The following TRAT1 variants were observed in gnomAD, a reference collection of about 807,000 sequenced individuals.
The protein encoded by TRAT1 is T-cell receptor-associated transmembrane adapter 1.
A neutral mutation model predicts 20.0 loss-of-function variants in TRAT1; 20 were observed. That is an observed-to-expected ratio of 1.00 (90% confidence interval 0.70 to 1.45). The LOEUF (loss-of-function observed/expected upper bound fraction) is 1.45, where lower values mean the gene tolerates loss of function less well. TRAT1 is among the 40% of genes most tolerant of loss of function. The pLI is 0.00. For missense variants in TRAT1, 237 were observed against 224.1 expected (o/e 1.06, Z -0.37); for synonymous variants, 77 against 74.2 (o/e 1.04, Z -0.20).
chr3:108,839,688 C>A (rs572421112), intron 3 of TRAT1, among the ~76,000 whole-genome samples: 4 of 150,808 alleles, frequency 2.7e-5, no homozygotes, highest in African/African-American at 9.7e-5. Context: ...TAGATATACA[C>A]AAGGATGAGT....
intron 3 of TRAT1, chr3:108,839,324 C>A (rs1945870402): frequency 9.0e-6 from 2 of 221,138 alleles, no homozygotes; most frequent in Admixed American, 5.9e-5. Context: ...ATCTGGCAAC[C>A]TAATACAATT....
intron 2 of TRAT1, among the ~76,000 whole-genome samples, chr3:108,832,112 G>T (rs1290934663): frequency 6.6e-6 from 1 of 152,188 alleles, no homozygotes; most frequent in Non-Finnish European, 1.5e-5. Flanking sequence ...TTATTGTCAT[G>T]CAGGTTTGAA....
At chr3:108,851,306 T>G (rs1945995974) in intron 5 of TRAT1, among the ~76,000 whole-genome samples, 1 of 152,230 alleles carries the variant, frequency 6.6e-6, no homozygotes, top group African/African-American at 2.4e-5. Flanking sequence ...TATCTCAGTC[T>G]TCTATTAACT....
chr3:108,845,328 A>AT (rs1945933287), intron 3 of TRAT1, among the ~76,000 whole-genome samples: 1 of 152,290 alleles, frequency 6.6e-6, no homozygotes. Flanking sequence ...AACAATACTC[A>AT]TTTTTTGGAC....
intron 1 of TRAT1, among the ~76,000 whole-genome samples, chr3:108,824,713 A>G (rs1945721117): frequency 6.6e-6 from 1 of 152,158 alleles, no homozygotes; most frequent in Admixed American, 6.5e-5. Context: ...CAATTTTCAT[A>G]CCTCTCCTTA....
intron 1 of TRAT1, among the ~76,000 whole-genome samples, chr3:108,827,845 C>T (rs934323350): frequency 1.3e-5 from 2 of 151,992 alleles, no homozygotes; most frequent in Non-Finnish European, 2.9e-5. Flanking sequence ...CAAATTCTTG[C>T]CTTAGTGTTT....
rs1946024289 is a variant in TRAT1, at chr3:108,854,065, G to A, written c.*188G>A. ...GCCAAATGTAAGGCCATGAAAATCA[G>A]TATTTCAAATAACTTAAAAAATGCT... On this transcript the variant is annotated 3_prime_UTR_variant, in exon 6 of 6. Coordinates refer to ENST00000295756, the MANE Select transcript of TRAT1 (RefSeq NM_016388.4). The A allele has an allele frequency of 1.9e-6, 1 of 522,574 alleles. No individual in the cohort carries two copies. Among genetic ancestry groups the A allele is most frequent in the Non-Finnish European group, 3.4e-6 (1 of 296,592 alleles). 32.4% of individuals were successfully genotyped at this position (522,574 alleles called of 1,614,324 possible). A position where few individuals can be genotyped will look rare whatever the true frequency, so the allele number is the denominator to read the frequency against.
At chr3:108,826,057 A>G (rs180966907) in intron 1 of TRAT1, among the ~76,000 whole-genome samples, 2 of 152,302 alleles carry the variant, frequency 1.3e-5, no homozygotes, top group East Asian at 3.9e-4. Flanking sequence ...CATTGGAGGA[A>G]TCATAATTTA....
chr3:108,834,381 C>A (rs1049804337), intron 2 of TRAT1, among the ~76,000 whole-genome samples: 2 of 152,208 alleles, frequency 1.3e-5, no homozygotes, highest in Non-Finnish European at 2.9e-5. Context: ...CTTCTCCTAA[C>A]ATCTTTTCCC....
chr3:108,843,703 A>G (rs1945915653), intron 3 of TRAT1, among the ~76,000 whole-genome samples: 1 of 151,620 alleles, frequency 6.6e-6, no homozygotes, highest in African/African-American at 2.4e-5. Context: ...TCTTGAACCT[A>G]CTCTATTCCA....
chr3:108,845,610 TA>T (rs1244535827), intron 3 of TRAT1, among the ~76,000 whole-genome samples: 1 of 152,240 alleles, frequency 6.6e-6, no homozygotes, highest in African/African-American at 2.4e-5. Flanking sequence ...TTTGAACTGT[TA>T]TTTTTTTAAT....
At chr3:108,850,830 G>A (rs1038612617) in intron 5 of TRAT1, among the ~76,000 whole-genome samples, 8 of 152,170 alleles carry the variant, frequency 5.3e-5, no homozygotes, top group Non-Finnish European at 8.8e-5. Flanking sequence ...CACTTTAGTT[G>A]TAAAAGTACT....
intron 3 of TRAT1, among the ~76,000 whole-genome samples, chr3:108,845,888 A>G (rs1945937904): frequency 6.6e-6 from 1 of 152,160 alleles, no homozygotes; most frequent in African/African-American, 2.4e-5. Context: ...ACATTGGTAG[A>G]ATGACAGTCT....
rs758736622 is a variant in TRAT1 at position 108,850,419 on chromosome 3, C to T, written c.303+1165C>T. Among the ~76,000 whole-genome samples the T allele has an allele frequency of 2.6e-5, 4 of 152,064 alleles. No homozygotes were observed. The East Asian group carries it at 7.7e-4, about 29-fold the overall frequency. The stretch of plus-strand genomic sequence containing the variant: ...TCCCGGGTTCAAGCGATTCTCCTGC[C>T]TCAGCCTCCCAAGTAGCTGGGATTA... On this transcript the variant is annotated intron_variant, in intron 5 of 5. Coordinates refer to ENST00000295756, the MANE Select transcript of TRAT1 (RefSeq NM_016388.4).
At chr3:108,825,842 A>G (rs914276307) in intron 1 of TRAT1, among the ~76,000 whole-genome samples, 2 of 152,318 alleles carry the variant, frequency 1.3e-5, no homozygotes, top group South Asian at 2.1e-4. Flanking sequence ...ATTTTATTGG[A>G]TGAAAGTTGC....
chr3:108,852,387 A>C (rs1946005631), intron 5 of TRAT1, among the ~76,000 whole-genome samples: 1 of 81,126 alleles, frequency 1.2e-5, no homozygotes, highest in African/African-American at 4.9e-5. Flanking sequence ...ATCTCAAAAA[A>C]CACACGCATG....
intron 3 of TRAT1, among the ~76,000 whole-genome samples, chr3:108,839,736 G>A (rs1196554013): frequency 1.3e-5 from 2 of 151,952 alleles, no homozygotes; most frequent in Non-Finnish European, 1.5e-5. Flanking sequence ...TCAATCAATA[G>A]GGAAACGTGA....
chr3:108,852,062 C>CACAACAACA (rs200204521), intron 5 of TRAT1, among the ~76,000 whole-genome samples: 1 of 151,466 alleles, frequency 6.6e-6, no homozygotes, highest in Non-Finnish European at 1.5e-5. Flanking sequence ...AGAAGCTAGA[C>CACAACAACA]ACAACAACAA....
chr3:108,851,919 A>T (rs1946001523), intron 5 of TRAT1, among the ~76,000 whole-genome samples: 1 of 152,244 alleles, frequency 6.6e-6, no homozygotes, highest in South Asian at 2.1e-4. Flanking sequence ...GCTTTCAGTT[A>T]TAAATGAAGA....
Sources: gnomAD v4.1 joint callset for allele counts (sites outside exome capture counted in the v4.1 genomes callset) on GRCh38, gnomAD v4.1.1 for gene constraint, MANE v1.5 for transcripts, NCBI Gene and HGNC (gene_info 2026-07-23, HGNC 2026-07-21) for gene names.